Variants in SULF2 observed in about 807,000 individuals in gnomAD.
SULF2 encodes extracellular sulfatase Sulf-2.
SULF2 carries 52 observed loss-of-function variants against 107.7 expected under a neutral mutation model. That is an observed-to-expected ratio of 0.48 (90% confidence interval 0.39 to 0.61). SULF2 has a LOEUF of 0.61. Among genes scored for constraint, SULF2 ranks in the 20% least tolerant of loss-of-function variants. The pLI is 0.00. For missense variants in SULF2, 993 were observed against 1,177.3 expected, an observed-to-expected ratio of 0.84 and a Z score of 2.29; for synonymous variants, 460 against 464.3, an observed-to-expected ratio of 0.99 and a Z score of 0.12.
rs760729379 is a variant in SULF2 at position 47,663,528 on chromosome 20, C to T, written c.2152G>A (p.Asp718Asn). The T allele has an allele frequency of 1.4e-5, 22 of 1,612,836 alleles. No individual in the cohort carries two copies. Among genetic ancestry groups the T allele is most frequent in the East Asian group, 1.1e-4 (5 of 44,884 alleles). ...GTGAGGCCTGGCATGCTGCACGTGT[C>T]GTTGTTCTGCAGGCGCTTGAGCAGC... ...RKLLKRLQNN[D>N]TCSMPGLTCF... The change falls in exon 16 of 21, where the codon GAC (aspartate) becomes AAC (asparagine). Residue 718 changes from aspartate (D) to asparagine (N), a missense_variant. Physicochemically the swap from Asp to Asn is conservative, Grantham distance 23. Transcript: ENST00000688720.
At chr20:47,715,184 G>A (rs1301715245) in intron 3 of SULF2, among the ~76,000 whole-genome samples, 3 of 151,040 alleles carry the variant, frequency 2.0e-5, no homozygotes, top group East Asian at 1.9e-4. Context: ...GCCCACCTTG[G>A]CCTCTCTCAG....
chr20:47,727,368 C>T (rs1302099688), intron 3 of SULF2, among the ~76,000 whole-genome samples: 1 of 152,094 alleles, frequency 6.6e-6, no homozygotes, highest in South Asian at 2.1e-4. Flanking sequence ...CCAAGGGGTG[C>T]CAAGATTCCC....
chr20:47,713,704 T>C (rs974773102), intron 3 of SULF2, among the ~76,000 whole-genome samples: 1 of 151,618 alleles, frequency 6.6e-6, no homozygotes, highest in East Asian at 1.9e-4. Context: ...GAGCCATGAT[T>C]GTGCCACTGC....
At chr20:47,659,172 C>T (rs2086987052) in intron 20 of SULF2, among the ~76,000 whole-genome samples, 1 of 152,180 alleles carries the variant, frequency 6.6e-6, no homozygotes, top group Admixed American at 6.5e-5. Context: ...TTACCAAGCA[C>T]AGATTATAGC....
intron 1 of SULF2, among the ~76,000 whole-genome samples, chr20:47,773,044 A>G (rs1600689777): frequency 6.6e-6 from 1 of 152,166 alleles, no homozygotes; most frequent in African/African-American, 2.4e-5. Context: ...CACCATTTCC[A>G]AAGTAAAAAC....
At chr20:47,689,960 A>T in intron 5 of SULF2, 166 bp downstream of exon 5, 1 of 664,404 alleles carries the variant, frequency 1.5e-6, no homozygotes, top group Non-Finnish European at 2.1e-6. Flanking sequence ...CTGGAGTTGC[A>T]TCCCAGTTTC....
At chr20:47,695,254 T>A (rs1256525788) in intron 4 of SULF2, among the ~76,000 whole-genome samples, 2 of 152,286 alleles carry the variant, frequency 1.3e-5, no homozygotes, top group East Asian at 3.9e-4. Context: ...ATTTTTCACA[T>A]GTCATGAAAA....
At chr20:47,663,393 G>A (rs2087152074) in intron 16 of SULF2, 60 bp downstream of exon 16, 2 of 1,598,050 alleles carry the variant, frequency 1.3e-6, no homozygotes, top group South Asian at 1.1e-5. Flanking sequence ...GTCACTAAGT[G>A]GAGAAGTTTC....
intron 3 of SULF2, among the ~76,000 whole-genome samples, chr20:47,734,955 C>T (rs564959925): frequency 3.3e-5 from 5 of 152,338 alleles, no homozygotes; most frequent in African/African-American, 1.2e-4. Context: ...TTGATTTTCT[C>T]ATGTCGCCTG....
chr20:47,688,135 G>C (rs1392884744), intron 5 of SULF2, among the ~76,000 whole-genome samples: 2 of 152,108 alleles, frequency 1.3e-5, no homozygotes, highest in East Asian at 1.9e-4. Context: ...AAGGGCATGT[G>C]CCGGCTTTCT....
Position 47,785,426 on chromosome 20 carries a change from G to A in SULF2, c.-184C>T. On this transcript the variant is annotated 5_prime_UTR_variant, in exon 1 of 21. Transcript: ENST00000688720. ...CAGCCCGGCCGGGCCGCTGGGCGCA[G>A]GGGACTCCGCGCCGCCGCTGCCGCT... 1 of 154,692 alleles carries A rather than the reference G, an allele frequency of 6.5e-6. No homozygotes were observed. Among genetic ancestry groups the A allele is most frequent in the Non-Finnish European group, 1.4e-5 (1 of 73,952 alleles). The allele number at this position is 154,692 out of a possible 1,614,324, so 9.6% of individuals were successfully genotyped here. A position where few individuals can be genotyped will look rare whatever the true frequency, so the allele number is the denominator to read the frequency against.
At chr20:47,674,896 G>A (rs989556427) in intron 10 of SULF2, among the ~76,000 whole-genome samples, 5 of 152,186 alleles carry the variant, frequency 3.3e-5, no homozygotes, top group African/African-American at 4.8e-5. Context: ...GGGGGCAGAC[G>A]TCTGAGCCTG....
At chr20:47,757,563 G>A (rs561061216) in intron 1 of SULF2, 100 bp from the exon 2 acceptor site, 2 of 614,188 alleles carry the variant, frequency 3.3e-6, no homozygotes, top group Admixed American at 3.1e-5. Flanking sequence ...AACAATGGGA[G>A]TTTCTTTGAA....
intron 3 of SULF2, among the ~76,000 whole-genome samples, chr20:47,720,776 T>A (rs1156460322): frequency 1.3e-5 from 2 of 151,836 alleles, no homozygotes; most frequent in Non-Finnish European, 2.9e-5. Context: ...AGTAGAAGAG[T>A]CCTCCACTGG....
intron 1 of SULF2, among the ~76,000 whole-genome samples, chr20:47,759,514 A>G (rs920418161): frequency 5.9e-5 from 9 of 152,208 alleles, no homozygotes; most frequent in Non-Finnish European, 1.2e-4. Context: ...CAACATGGTG[A>G]AACCCCATCT....
At chr20:47,716,276 C>T (rs1018623374) in intron 3 of SULF2, among the ~76,000 whole-genome samples, 6 of 152,150 alleles carry the variant, frequency 3.9e-5, no homozygotes, top group African/African-American at 1.2e-4. Context: ...AGAGGCTGGG[C>T]GTGATGACTT....
chr20:47,737,090 C>T (rs1345970462), intron 2 of SULF2, 148 bp from the exon 3 acceptor site: 20 of 1,200,274 alleles, frequency 1.7e-5, no homozygotes, highest in Middle Eastern at 2.8e-4. Flanking sequence ...CACTGCTGCA[C>T]GGTGGGACTG....
intron 1 of SULF2, among the ~76,000 whole-genome samples, chr20:47,777,837 G>C (rs534744962): frequency 6.6e-6 from 1 of 152,262 alleles, no homozygotes; most frequent in Admixed American, 6.5e-5. Flanking sequence ...TGAGCTAACA[G>C]TTTTTTCAAT....
At chr20:47,758,162 CTTT>C (rs373618271) in intron 1 of SULF2, among the ~76,000 whole-genome samples, 3,400 of 122,418 alleles carry the variant, frequency 0.028, 57 homozygotes, top group Middle Eastern at 0.044. Flanking sequence ...AAAAGTATTC[CTTT>C]TTTTTTTTTT....
Sources: allele counts gnomAD v4.1 joint callset (sites outside exome capture counted in the v4.1 genomes callset), GRCh38; gene constraint gnomAD v4.1.1; transcripts MANE v1.5; gene names NCBI Gene and HGNC (gene_info 2026-07-23, HGNC 2026-07-21).